Variants in ARID3A observed in about 807,000 individuals in gnomAD.
ARID3A encodes AT-rich interactive domain-containing protein 3A.
ARID3A carries 11 observed loss-of-function variants against 52.7 expected under a neutral mutation model. The observed-to-expected ratio is 0.21, with a 90% confidence interval of 0.13 to 0.35. The LOEUF is 0.35. ARID3A is among the 10% of genes least tolerant of loss of function. The pLI is 1.00. For synonymous variants in ARID3A, 404 were observed against 359.4 expected (o/e 1.12, Z -1.40); for missense variants, 721 against 838.5 (o/e 0.86, Z 1.73).
rs200120532 is a variant in ARID3A at position 975,736 on chromosome 19, G to GAAAAAAAAA, written c.*3678_*3686dup. The GAAAAAAAAA allele has an allele frequency of 2.2e-5, 2 of 89,514 alleles. No homozygotes were observed. The highest frequency in any genetic ancestry group is 1.4e-4 in the Admixed American group (1 of 7,020). The allele number at this position is 89,514 out of a possible 1,614,324, so 5.5% of individuals were successfully genotyped here. The stretch of plus-strand genomic sequence containing the variant: ...TCGCAGAACATTCAGGTATTAAAAG[G>GAAAAAAAAA]AAAAAAAAAAAAAAAGACAAAAAGA... On this transcript the variant is annotated 3_prime_UTR_variant, in exon 9 of 9. Coordinates refer to ENST00000263620, the MANE Select transcript of ARID3A (RefSeq NM_005224.3).
Position 974,732 on chromosome 19 carries a change from G to C in ARID3A, c.*2667G>C, listed in dbSNP as rs1452736644. On this transcript the variant is annotated 3_prime_UTR_variant, in exon 9 of 9. Transcript: ENST00000263620. ...GGTCGAGGGCTGGGTCGTCTCCCTC[G>C]GGCTGCGTGTGTGTGTCGGGAATCC... 2 of 231,742 alleles carry C rather than the reference G, an allele frequency of 8.6e-6. No individual in the cohort carries two copies. The highest frequency in any genetic ancestry group is 1.7e-5 in the Non-Finnish European group (2 of 117,138). 14.4% of individuals were successfully genotyped at this position (231,742 alleles called of 1,614,324 possible). A position where few individuals can be genotyped will look rare whatever the true frequency, so the allele number is the denominator to read the frequency against.
rs1171440610 is a variant in ARID3A, at chr19:975,044, C to T, written c.*2979C>T. 9 of 232,220 alleles carry T rather than the reference C, an allele frequency of 3.9e-5. No individual in the cohort carries two copies. The highest frequency in any genetic ancestry group is 1.8e-4 in the African/African-American group (8 of 45,276). 14.4% of individuals were successfully genotyped at this position (232,220 alleles called of 1,614,324 possible). A position where few individuals can be genotyped will look rare whatever the true frequency, so the allele number is the denominator to read the frequency against. ...GGCTCCTCCCTGCCTCAGGTGGCCC[C>T]GTTCAACCCCAGCCGTGCCCATCTC... On this transcript the variant is annotated 3_prime_UTR_variant, in exon 9 of 9. Transcript: ENST00000263620.
chr19:935,749 G>A (rs895313236), intron 3 of ARID3A, among the ~76,000 whole-genome samples: 4 of 151,562 alleles, frequency 2.6e-5, no homozygotes, highest in South Asian at 4.1e-4. Flanking sequence ...GATTACAGGC[G>A]TGAGCCACCG....
rs141064393 is a variant in ARID3A at position 941,034 on chromosome 19, C to T, written c.693+8292C>T. Among the ~76,000 whole-genome samples the T allele has an allele frequency of 1.0e-2, 1,516 of 152,168 alleles. 8 individuals carry two copies. Among genetic ancestry groups the T allele is most frequent in the Non-Finnish European group, 0.015 (1,013 of 67,952 alleles). ...GGCCCCTGCGCCACCGCCTGGCCGT[C>T]GGGTCACCGCCGCGGGGTCACCGCC... On this transcript the variant is annotated intron_variant, in intron 3 of 8. Coordinates refer to ENST00000263620, the MANE Select transcript of ARID3A (RefSeq NM_005224.3). The surrounding 1 kb of genome is among the most constrained non-coding windows in gnomAD (Gnocchi z 6.9).
chr19:959,991 C>A lies in ARID3A; in HGVS notation c.694-101C>A. On this transcript the variant is annotated intron_variant, in intron 3 of 8. Transcript: ENST00000263620. This position sits in a 1 kb window ranked among gnomAD's most constrained non-coding sequence, Gnocchi z 5.0. ...CTTGAGGGTCCTAGGGGTGGTGACC[C>A]CTGCTCCTGTCCTCCTGACCTGGCC... The A allele has an allele frequency of 1.9e-6, 2 of 1,036,762 alleles. No individual in the cohort carries two copies. The highest frequency in any genetic ancestry group is 2.8e-6 in the Non-Finnish European group (2 of 710,458). The allele number at this position is 1,036,762 out of a possible 1,614,324, so 64.2% of individuals were successfully genotyped here.
intron 8 of ARID3A, among the ~76,000 whole-genome samples, chr19:970,237 C>T (rs910235614): frequency 2.6e-5 from 4 of 151,728 alleles, no homozygotes; most frequent in Admixed American, 6.6e-5. Context: ...TGCTTGAACC[C>T]GGGAGGCGAA....
intron 4 of ARID3A, among the ~76,000 whole-genome samples, chr19:962,625 CT>C (rs1281111678): frequency 6.7e-6 from 1 of 149,880 alleles, no homozygotes; most frequent in African/African-American, 2.5e-5. Flanking sequence ...AGTGATTCCC[CT>C]GCCTCAGCCT....
rs1295473412 is a variant in ARID3A, at chr19:972,736, A to G, written c.*671A>G. 5.2e-6 allele frequency: 1 copy of G among 192,428 alleles called. No homozygotes were observed. Among genetic ancestry groups the G allele is most frequent in the Admixed American group, 7.1e-5 (1 of 14,144 alleles). 11.9% of individuals were successfully genotyped at this position (192,428 alleles called of 1,614,324 possible). Reference sequence around the variant, plus strand: ...AACCTTAGGAAAAGGATATCTATATATCTATATAGCTATATATTTGTGTTC... The same window carrying G: ...AACCTTAGGAAAAGGATATCTATATGTCTATATAGCTATATATTTGTGTTC... On this transcript the variant is annotated 3_prime_UTR_variant, in exon 9 of 9. Coordinates refer to ENST00000263620, the MANE Select transcript of ARID3A (RefSeq NM_005224.3).
rs1032927065 is a variant in ARID3A, at chr19:973,176, G to C, written c.*1111G>C. ...CAGGCTGGAGTGAGTGCAATGGTGC[G>C]ATCTTGGCTCACTGCAACCTGCACC... On this transcript the variant is annotated 3_prime_UTR_variant, in exon 9 of 9. Coordinates refer to ENST00000263620, the MANE Select transcript of ARID3A (RefSeq NM_005224.3). 6.3e-6 allele frequency: 1 copy of C among 158,824 alleles called. No homozygotes were observed. The highest frequency in any genetic ancestry group is 2.6e-5 in the African/African-American group (1 of 38,176). The allele number at this position is 158,824 out of a possible 1,614,324, so 9.8% of individuals were successfully genotyped here.
chr19:971,073 G>GC (rs758725725), intron 8 of ARID3A, among the ~76,000 whole-genome samples: 9 of 152,228 alleles, frequency 5.9e-5, no homozygotes, highest in Non-Finnish European at 1.3e-4. Flanking sequence ...GGTTCTCCCT[G>GC]CAAGAGCTGT....
At chr19:943,864 T>C (rs2145394192) in intron 3 of ARID3A, among the ~76,000 whole-genome samples, 1 of 152,314 alleles carries the variant, frequency 6.6e-6, no homozygotes, top group South Asian at 2.1e-4. Context: ...GACCCTTTCA[T>C]GGGCACTTAC....
chr19:963,437 A>G (rs1446367653), intron 4 of ARID3A, among the ~76,000 whole-genome samples: 2 of 152,216 alleles, frequency 1.3e-5, no homozygotes, highest in Non-Finnish European at 2.9e-5. Context: ...GCCTACTGTC[A>G]GGCCAGGGAG....
In ARID3A at chr19:936,302, C is replaced by T. The variant is rs561131963; in HGVS notation, c.693+3560C>T. Among the ~76,000 whole-genome samples, 23 of 152,288 alleles carry T rather than the reference C, an allele frequency of 1.5e-4. No individual in the cohort carries two copies. The East Asian group carries it at 3.5e-3, about 23-fold the overall frequency. ...GCACAGTGGCTCACACCTGTGATCC[C>T]GGCACTGTGGGAGGCCGAGATGGGC... On this transcript the variant is annotated intron_variant, in intron 3 of 8. Transcript: ENST00000263620.
In ARID3A at chr19:974,858, G is replaced by A. The variant is rs2038348548; in HGVS notation, c.*2793G>A. 1 of 145,210 alleles carries A rather than the reference G, an allele frequency of 6.9e-6. No individual in the cohort carries two copies. The highest frequency in any genetic ancestry group is 1.5e-5 in the Non-Finnish European group (1 of 67,508). The allele number at this position is 145,210 out of a possible 1,614,324, so 9.0% of individuals were successfully genotyped here. On this transcript the variant is annotated 3_prime_UTR_variant, in exon 9 of 9. Transcript: ENST00000263620. ...TGCTGTTAACTCCGATGATTGTAGG[G>A]ACAGGCGGGGTGGGTGGGGGGTGGG...
chr19:959,607 G>A lies in ARID3A; in HGVS notation c.694-485G>A, dbSNP rs1180570523. ...TGGACTTCTGGGCTCCGGGACCGCG[G>A]GAGAATAGATTTCTGTTGCTTTAAG... On this transcript the variant is annotated intron_variant, in intron 3 of 8. Coordinates refer to ENST00000263620, the MANE Select transcript of ARID3A (RefSeq NM_005224.3). The surrounding 1 kb of genome is among the most constrained non-coding windows in gnomAD (Gnocchi z 5.0). Among the ~76,000 whole-genome samples the A allele has an allele frequency of 1.3e-5, 2 of 152,146 alleles. No individual in the cohort carries two copies. Among genetic ancestry groups the A allele is most frequent in the South Asian group, 2.1e-4 (1 of 4,834 alleles).
rs372394181 is a variant in ARID3A at position 947,977 on chromosome 19, G to A, written c.694-12115G>A. Among the ~76,000 whole-genome samples the A allele has an allele frequency of 2.2e-4, 34 of 152,314 alleles. No homozygotes were observed. In the South Asian group the frequency reaches 2.3e-3, roughly 10 times the overall value. Reference sequence around the variant, plus strand: ...GGGGGAGCCCCCCGGCTGGTCAGGTGCACGAGGAGCAACCCATGGCCAGGC... The same window carrying A: ...GGGGGAGCCCCCCGGCTGGTCAGGTACACGAGGAGCAACCCATGGCCAGGC... On this transcript the variant is annotated intron_variant, in intron 3 of 8. Transcript: ENST00000263620. This position sits in a 1 kb window ranked among gnomAD's most constrained non-coding sequence, Gnocchi z 6.3.
chr19:951,550 CA>C (rs1026477568), intron 3 of ARID3A, among the ~76,000 whole-genome samples: 1 of 151,444 alleles, frequency 6.6e-6, no homozygotes, highest in African/African-American at 2.4e-5. Context: ...GACCCTGTCT[CA>C]AAAAAAGGAA....
At position 974,718 on chromosome 19, in the gene ARID3A, G is replaced by A. The variant is rs2038346253; in HGVS notation, c.*2653G>A. On this transcript the variant is annotated 3_prime_UTR_variant, in exon 9 of 9. Transcript: ENST00000263620. ...GAGGGGCCGTGCAGGGTCGAGGGCT[G>A]GGTCGTCTCCCTCGGGCTGCGTGTG... 4.3e-6 allele frequency: 1 copy of A among 231,770 alleles called. No individual in the cohort carries two copies. Among genetic ancestry groups the A allele is most frequent in the East Asian group, 6.1e-5 (1 of 16,410 alleles). 14.4% of individuals were successfully genotyped at this position (231,770 alleles called of 1,614,324 possible).
Position 929,997 on chromosome 19 carries a change from CTCCT to C in ARID3A, c.368+106_368+109del. ...GGGAGTAAGGGTCAGGTCGCGGGAT[CTCCT>C]TCCTGTAATTCCAGCAGTTTGAGAG... On this transcript the variant is annotated intron_variant, in intron 2 of 8. Coordinates refer to ENST00000263620, the MANE Select transcript of ARID3A (RefSeq NM_005224.3). The surrounding 1 kb of genome is among the most constrained non-coding windows in gnomAD (Gnocchi z 6.2). 1.4e-6 allele frequency: 2 copies of C among 1,459,930 alleles called. No homozygotes were observed. The highest frequency in any genetic ancestry group is 1.8e-6 in the Non-Finnish European group (2 of 1,097,780). The allele number at this position is 1,459,930 out of a possible 1,614,324, so 90.4% of individuals were successfully genotyped here.
Sources: allele counts gnomAD v4.1 joint callset (sites outside exome capture counted in the v4.1 genomes callset), GRCh38; gene constraint gnomAD v4.1.1; non-coding constraint Gnocchi (gnomAD v3.1); transcripts MANE v1.5; gene names NCBI Gene and HGNC (gene_info 2026-07-23, HGNC 2026-07-21).